Variants in SYNE2 observed in about 807,000 individuals in gnomAD.
SYNE2 encodes the protein nesprin-2.
Under a neutral mutation model 856.3 loss-of-function variants are expected in SYNE2, and 431 were observed. The ratio of observed to expected loss-of-function variants is 0.50; its 90% CI spans 0.47 to 0.55. SYNE2 has a LOEUF of 0.55. Ranked by LOEUF, SYNE2 falls within the 20% of genes least tolerant of loss-of-function variation. SYNE2 has a pLI of 0.00. For missense variants in SYNE2, 8,129 were observed against 8,023.2 expected, an observed-to-expected ratio of 1.01 and a Z score of -0.50; for synonymous variants, 2,923 against 2,872.3, an observed-to-expected ratio of 1.02 and a Z score of -0.56.
At chr14:64,075,898 C>T in intron 53 of SYNE2, 47 bp from the exon 54 acceptor site, 4 of 1,607,594 alleles carry the variant, frequency 2.5e-6, no homozygotes, top group South Asian at 2.2e-5. Context: ...TAGAATTAAA[C>T]TTTTCCCCCA....
intron 1 of SYNE2, among the ~76,000 whole-genome samples, chr14:63,861,849 TAC>T (rs1893828756): frequency 6.6e-6 from 1 of 152,222 alleles, no homozygotes; most frequent in Non-Finnish European, 1.5e-5. Context: ...TTCAAAATGA[TAC>T]AGTTATGTTT....
intron 1 of SYNE2, among the ~76,000 whole-genome samples, chr14:63,776,706 T>C (rs182730008): frequency 2.4e-3 from 360 of 151,790 alleles, no homozygotes; most frequent in African/African-American, 8.4e-3. Flanking sequence ...TTCTAGTGAT[T>C]CTCCTGCCTC....
intron 6 of SYNE2, among the ~76,000 whole-genome samples, chr14:63,947,584 CCAGCA>C (rs2096056457): frequency 6.6e-6 from 1 of 151,778 alleles, no homozygotes; most frequent in South Asian, 2.1e-4. Context: ...GCCTGTAATC[CCAGCA>C]CTTTGGGAGG....
intron 96 of SYNE2, among the ~76,000 whole-genome samples, chr14:64,184,390 A>AG (rs1166541800): frequency 6.6e-6 from 1 of 150,724 alleles, no homozygotes; most frequent in Non-Finnish European, 1.5e-5. Context: ...TGAGTGTTAG[A>AG]GGGGAAAAGG....
intron 20 of SYNE2, 138 bp downstream of exon 20, chr14:63,990,707 C>T: frequency 2.3e-6 from 2 of 862,112 alleles, no homozygotes; most frequent in Non-Finnish European, 3.7e-6. Flanking sequence ...TGTTTTATTT[C>T]TTTATAATTT....
chr14:63,852,400 A>G (rs1890608758), upstream of SYNE2, among the ~76,000 whole-genome samples: 1 of 152,100 alleles, frequency 6.6e-6, no homozygotes, highest in Non-Finnish European at 1.5e-5. Flanking sequence ...TGGATGATGT[A>G]TGTCAGGTCG....
At chr14:64,166,507 C>G (rs2098380156) in intron 90 of SYNE2, among the ~76,000 whole-genome samples, 1 of 152,182 alleles carries the variant, frequency 6.6e-6, no homozygotes, top group Non-Finnish European at 1.5e-5. Flanking sequence ...CATGTTCTAT[C>G]AAAATATGGG....
At chr14:63,924,821 T>C (rs367815010) in intron 2 of SYNE2, among the ~76,000 whole-genome samples, 61 of 148,000 alleles carry the variant, frequency 4.1e-4, no homozygotes, top group African/African-American at 1.5e-3. Context: ...ACTTTTTTCC[T>C]TCCAGCCTTG....
chr14:63,862,253 A>G (rs1373069314), intron 1 of SYNE2, among the ~76,000 whole-genome samples: 3 of 152,222 alleles, frequency 2.0e-5, no homozygotes, highest in East Asian at 3.8e-4. Flanking sequence ...ATGTACATAT[A>G]TTCGTATTTG....
At chr14:64,041,411 T>G (rs2097147346) in intron 45 of SYNE2, among the ~76,000 whole-genome samples, 1 of 152,058 alleles carries the variant, frequency 6.6e-6, no homozygotes, top group African/African-American at 2.4e-5. Context: ...TGAAAGATAA[T>G]GACAATGCAT....
chr14:64,163,737 C>A (rs938319976), intron 89 of SYNE2, among the ~76,000 whole-genome samples, 156 bp downstream of exon 89: 1 of 152,180 alleles, frequency 6.6e-6, no homozygotes, highest in African/African-American at 2.4e-5. Context: ...TAGCTTCAAT[C>A]ACATGGGCAG....
chr14:64,055,560 G>A (rs2097261924), intron 48 of SYNE2, among the ~76,000 whole-genome samples: 1 of 151,790 alleles, frequency 6.6e-6, no homozygotes, highest in South Asian at 2.1e-4. Flanking sequence ...GTAGAGATGG[G>A]GTTTCACCAT....
chr14:64,161,590 G>C (rs899053972), intron 87 of SYNE2, among the ~76,000 whole-genome samples: 1 of 151,904 alleles, frequency 6.6e-6, no homozygotes, highest in Non-Finnish European at 1.5e-5. Context: ...CTTTGCCAAA[G>C]AGACATTCAT....
intron 1 of SYNE2, among the ~76,000 whole-genome samples, chr14:63,858,204 C>T (rs1010681619): frequency 6.7e-6 from 1 of 150,188 alleles, no homozygotes; most frequent in African/African-American, 2.4e-5. Context: ...CAACCTCTGC[C>T]TCCTGGGTTC....
At chr14:63,811,901 C>A (rs1888627160) in intron 1 of SYNE2, among the ~76,000 whole-genome samples, 1 of 151,970 alleles carries the variant, frequency 6.6e-6, no homozygotes, top group Non-Finnish European at 1.5e-5. Flanking sequence ...GCTTCTAAGG[C>A]CAATAAAGAT....
At chr14:63,895,396 A>C (rs2153285463) in intron 1 of SYNE2, among the ~76,000 whole-genome samples, 1 of 151,874 alleles carries the variant, frequency 6.6e-6, no homozygotes, top group South Asian at 2.1e-4. Flanking sequence ...GGCGTGAGCC[A>C]CTGCACCTGG....
chr14:63,859,979 C>CCCTTCCTT (rs757994649), intron 1 of SYNE2, among the ~76,000 whole-genome samples: 6,242 of 130,026 alleles, frequency 0.048, 188 homozygotes, highest in Middle Eastern at 0.082. Context: ...CTCCCTTCCT[C>CCCTTCCTT]CCTTCCTTCC....
At chr14:63,973,324 A>G (rs2096494862) in intron 11 of SYNE2, among the ~76,000 whole-genome samples, 1 of 151,976 alleles carries the variant, frequency 6.6e-6, no homozygotes, top group South Asian at 2.1e-4. Flanking sequence ...AATGGCAAAT[A>G]GTTAATGATT....
In SYNE2 at chr14:64,074,004, G is replaced by A; in HGVS notation, c.10734G>A (p.Val3578=). The part of the protein sequence containing the change: ...LQKVQKNKEL[V]QTEIQERHSF... ...AAGTTCAGAAAAATAAAGAATTGGT[G>A]CAGACTGAAATCCAAGAAAGACATT... Residue 3578 remains valine, a synonymous_variant, in exon 53 of 116, where the codon GTG becomes GTA. Transcript: ENST00000555002. The A allele has an allele frequency of 6.2e-7, 1 of 1,614,204 alleles. No homozygotes were observed. The highest frequency in any genetic ancestry group is 1.1e-5 in the South Asian group (1 of 91,084).
Sources: gnomAD v4.1 joint callset for allele counts (sites outside exome capture counted in the v4.1 genomes callset) on GRCh38, gnomAD v4.1.1 for gene constraint, MANE v1.5 for transcripts, NCBI Gene and HGNC (gene_info 2026-07-23, HGNC 2026-07-21) for gene names.